The following KIF7 variants were observed in gnomAD, a reference collection of about 807,000 sequenced individuals.
The protein encoded by KIF7 is kinesin family member 7.
A neutral mutation model predicts 135.7 loss-of-function variants in KIF7; 104 were observed. That is an observed-to-expected ratio of 0.77 (90% CI 0.65 to 0.90). The LOEUF is 0.90. Ranked by LOEUF, KIF7 falls within the 40% of genes least tolerant of loss-of-function variation. The pLI is 0.00. For synonymous variants in KIF7, 883 were observed against 809.4 expected (o/e 1.09, Z -1.54); for missense variants, 2,005 against 1,839.1 (o/e 1.09, Z -1.65).
chr15:89,622,915 C>T (rs1468592721), intron 1 of KIF7, among the ~76,000 whole-genome samples: 1 of 152,200 alleles, frequency 6.6e-6, no homozygotes, highest in Non-Finnish European at 1.5e-5. Flanking sequence ...TGATGCCCCT[C>T]GCATGTCCCT....
At chr15:89,626,062 G>A, downstream of KIF7, 1 of 1,613,694 alleles carries the variant, frequency 6.2e-7, no homozygotes, top group African/African-American at 1.3e-5. Flanking sequence ...GACCCCAGAG[G>A]TAATGTTTGT....
rs754191899 is a variant in KIF7 at position 89,649,765 on chromosome 15, G to C, written c.505C>G (p.Arg169Gly). The C allele has an allele frequency of 6.4e-7, 1 of 1,551,876 alleles. No homozygotes were observed. The change falls in exon 3 of 19, where the codon CGG (arginine) becomes GGG (glycine). Residue 169 changes from arginine (R) to glycine (G), a missense_variant. Arg to Gly is a moderately radical substitution (Grantham distance 125). Transcript: ENST00000394412. ...VGTASRDIQL[R>G]EDERGNVVLC... ...CCAACATTCCCGCGCTCATCTTCCC[G>C]GAGCTGGATGTCACGGCTGGCAGTG...
chr15:89,633,596 G>A (rs773992761), intron 12 of KIF7, 90 bp downstream of exon 12: 41 of 1,420,260 alleles, frequency 2.9e-5, no homozygotes, highest in Non-Finnish European at 3.5e-5. Context: ...GTGGCTGTGG[G>A]TTGCAAACCC....
rs753737326 is a variant in KIF7, at chr15:89,632,938, C to T, written c.2777G>A (p.Arg926Gln). 15 of 1,607,296 alleles carry T rather than the reference C, an allele frequency of 9.3e-6. No individual in the cohort carries two copies. Among genetic ancestry groups the T allele is most frequent in the South Asian group, 1.1e-5 (1 of 90,882 alleles). ...CTCCCCCAGCTCCTCCAGCGCCCGCCGCTGCTGTAGCACCTTCTCCATCTC... is the reference window on the plus strand; with the variant it reads ...CTCCCCCAGCTCCTCCAGCGCCCGCTGCTGCTGTAGCACCTTCTCCATCTC... ...DQEMEKVLQQRRALEELGEEL... is the reference protein window; with the variant it reads ...DQEMEKVLQQQRALEELGEEL... The change falls in exon 14 of 19, where the codon CGG becomes CAG. Residue 926 changes from arginine (R) to glutamine (Q), a missense_variant. Physicochemically the swap from Arg to Gln is conservative, Grantham distance 43. Coordinates refer to ENST00000394412, the MANE Select transcript of KIF7 (RefSeq NM_198525.3).
In KIF7 at chr15:89,631,662, C is replaced by A. The variant is rs797045093; in HGVS notation, c.2944G>T (p.Glu982Ter). ...VRVSSRLEHL[E>*]KELSEKSGQL... is the part of the protein sequence containing the mutation. Reference sequence around the variant, plus strand: ...CCGCTCTTCTCGGACAGCTCCTTCTCCAGGTGCTCCAGCCGGCTGGACACT... The same window carrying A: ...CCGCTCTTCTCGGACAGCTCCTTCTACAGGTGCTCCAGCCGGCTGGACACT... The change falls in exon 15 of 19, where the codon GAG becomes TAG. Residue 982 changes from glutamate to a stop codon, truncating the protein, a stop_gained. Coordinates refer to ENST00000394412, the MANE Select transcript of KIF7 (RefSeq NM_198525.3). LOFTEE classifies it high-confidence loss of function. 22 of 1,559,818 alleles carry A rather than the reference C, an allele frequency of 1.4e-5. No homozygotes were observed. The highest frequency in any genetic ancestry group is 1.6e-5 in the Non-Finnish European group (18 of 1,150,822).
chr15:89,656,183 G>A (rs1045884594), upstream of KIF7, among the ~76,000 whole-genome samples: 2 of 152,032 alleles, frequency 1.3e-5, no homozygotes, highest in Admixed American at 6.6e-5. Flanking sequence ...TGCCAGGCTC[G>A]TCAGATAGAT....
At chr15:89,635,347 G>C (rs375382348) in intron 11 of KIF7, among the ~76,000 whole-genome samples, 3 of 152,248 alleles carry the variant, frequency 2.0e-5, no homozygotes, top group Admixed American at 1.3e-4. Context: ...GACGAGCTGA[G>C]AGAAGAAGGC....
At chr15:89,632,790 C>G (rs1343227452) in intron 14 of KIF7, 30 bp downstream of exon 14, 1 of 1,593,324 alleles carries the variant, frequency 6.3e-7, no homozygotes, top group Non-Finnish European at 8.5e-7. Flanking sequence ...TGGACCTCAC[C>G]TGGCAGGATC....
chr15:89,629,643 GAC>G, intron 16 of KIF7, 70 bp from the exon 17 acceptor site: 1 of 1,592,352 alleles, frequency 6.3e-7, no homozygotes, highest in Non-Finnish European at 8.5e-7. Flanking sequence ...CTCAATCACA[GAC>G]ACAGTATTGG....
chr15:89,659,643 C>A (rs886937796), upstream of KIF7, among the ~76,000 whole-genome samples: 1 of 152,084 alleles, frequency 6.6e-6, no homozygotes, highest in African/African-American at 2.4e-5. Context: ...GGAATTAAGT[C>A]CATGACAAGA....
At chr15:89,618,275 G>A (rs189404444) in intron 1 of KIF7, 6 of 1,440,834 alleles carry the variant, frequency 4.2e-6, no homozygotes, top group African/African-American at 1.4e-5. Flanking sequence ...CTTTCTGTAT[G>A]TATTGTTACT....
downstream of KIF7, chr15:89,625,462 T>G (rs1866928): frequency 1.2e-6 from 2 of 1,613,442 alleles, no homozygotes; most frequent in Admixed American, 3.3e-5. Context: ...ACTGCTTGAG[T>G]CAGAGGGCAA....
At chr15:89,660,194 G>C (rs1048351591), upstream of KIF7, among the ~76,000 whole-genome samples, 2 of 152,102 alleles carry the variant, frequency 1.3e-5, no homozygotes, top group African/African-American at 4.8e-5. Context: ...ATGAAACTTG[G>C]TCTCAAAAAA....
rs751344600 is a variant in KIF7 at position 89,647,018 on chromosome 15, G to T, written c.1600C>A (p.Leu534Met). 6 of 1,610,706 alleles carry T rather than the reference G, an allele frequency of 3.7e-6. No individual in the cohort carries two copies. The South Asian group carries it at 4.4e-5, about 12-fold the overall frequency. The change falls in exon 7 of 19, where the codon CTG becomes ATG. Residue 534 changes from leucine to methionine, a missense_variant. Coordinates refer to ENST00000394412, the MANE Select transcript of KIF7 (RefSeq NM_198525.3). ...CGCACCAGCTCTAACCGCAGCCGCA[G>T]TTCCACCATCTCCTCCTGCTGCTCA... ...LREQQEEMVE[L>M]RLRLELVRPG...
chr15:89,620,784 G>A (rs191549461), intron 1 of KIF7, among the ~76,000 whole-genome samples: 133 of 151,992 alleles, frequency 8.8e-4, no homozygotes, highest in East Asian at 3.7e-3. Flanking sequence ...GTGCAGTGGC[G>A]CAATCTTGGC....
In KIF7 at chr15:89,628,590, C is replaced by G; in HGVS notation, c.3861G>C (p.Gln1287His). Residue 1287 changes from glutamine to histidine, a missense_variant, in exon 19 of 19, where the codon CAG (glutamine) becomes CAC (histidine). By Grantham distance (24) the Gln-to-His change is conservative. Transcript: ENST00000394412. The part of the protein sequence containing the change: ...WKRSSLCGEE[Q>H]GSPEELRQRE... ...GCTGCCTCAGTTCCTCGGGGGACCCCTGCTCCTCACCACACAGGCTCGAGC... is the reference window on the plus strand; with the variant it reads ...GCTGCCTCAGTTCCTCGGGGGACCCGTGCTCCTCACCACACAGGCTCGAGC... 3 of 1,613,554 alleles carry G rather than the reference C, an allele frequency of 1.9e-6. No homozygotes were observed. The highest frequency in any genetic ancestry group is 1.3e-5 in the African/African-American group (1 of 75,066).
chr15:89,618,085 C>T (rs919103220), exon 2 of KIF7: 25 of 1,483,862 alleles, frequency 1.7e-5, no homozygotes, highest in Non-Finnish European at 2.4e-5. Context: ...TGAGAAGCTG[C>T]CTGTCTCCTT....
chr15:89,624,087 C>T (rs147300817), downstream of KIF7: 7 of 1,613,792 alleles, frequency 4.3e-6, no homozygotes, highest in Admixed American at 3.3e-5. Context: ...CCTTCATGGG[C>T]ACGCCTCAGA....
At chr15:89,630,698 G>A (rs1024018100) in intron 15 of KIF7, 1 of 622,298 alleles carries the variant, frequency 1.6e-6, no homozygotes, top group African/African-American at 1.8e-5. Flanking sequence ...CTGCTCAGAG[G>A]TGGCCTGCTC....
Sources: allele counts gnomAD v4.1 joint callset (sites outside exome capture counted in the v4.1 genomes callset), GRCh38; gene constraint gnomAD v4.1.1; transcripts MANE v1.5; gene names NCBI Gene and HGNC (gene_info 2026-07-23, HGNC 2026-07-21).